The following SVIL variants were observed in gnomAD, a reference collection of about 807,000 sequenced individuals.
SVIL encodes supervillin.
In SVIL, 101 loss-of-function variants were observed where a neutral mutation model predicts 240.4. The observed-to-expected ratio is 0.42, with a 90% CI of 0.36 to 0.50. SVIL has a LOEUF of 0.50. Among genes scored for constraint, SVIL ranks in the 20% least tolerant of loss-of-function variants. The pLI is 0.01. For synonymous variants in SVIL, 999 were observed against 1,100.0 expected, an observed-to-expected ratio of 0.91 and a Z score of 1.82; for missense variants, 2,512 against 2,818.7, an observed-to-expected ratio of 0.89 and a Z score of 2.46.
Position 29,480,334 on chromosome 10 carries a change from C to T in SVIL, c.5377+203G>A, listed in dbSNP as rs145690601. 4.2e-3 allele frequency among the ~76,000 whole-genome samples: 642 copies of T among 152,248 alleles called. 5 individuals are homozygous for T. Among genetic ancestry groups the T allele is most frequent in the African/African-American group, 0.015 (608 of 41,534 alleles). The stretch of plus-strand genomic sequence containing the variant: ...TTCTACAGGTGAACACCAGCGGCCT[C>T]GGCAATGCTAGGTTGTTAGGAATTC... On this transcript the variant is annotated intron_variant, in intron 29 of 37. Transcript: ENST00000355867.
At chr10:29,686,094 A>G (rs1297653362) in intron 2 of SVIL, among the ~76,000 whole-genome samples, 2 of 152,258 alleles carry the variant, frequency 1.3e-5, no homozygotes, top group African/African-American at 2.4e-5. Context: ...ATTTTTAACT[A>G]TAAATCCAAT....
At chr10:29,498,063 CAG>C (rs1015497572) in intron 18 of SVIL, among the ~76,000 whole-genome samples, 1 of 112,068 alleles carries the variant, frequency 8.9e-6, no homozygotes, top group African/African-American at 3.4e-5. Context: ...GCCTGGGAGA[CAG>C]AGCGAGATTC....
At chr10:29,487,356 C>G in intron 23 of SVIL, 57 bp from the exon 24 acceptor site, 1 of 1,594,146 alleles carries the variant, frequency 6.3e-7, no homozygotes, top group Admixed American at 1.7e-5. Context: ...TAGGACGCAC[C>G]CCATATCGGA....
intron 2 of SVIL, among the ~76,000 whole-genome samples, chr10:29,663,599 G>A (rs901192606): frequency 2.0e-5 from 3 of 152,148 alleles, no homozygotes; most frequent in Non-Finnish European, 2.9e-5. Context: ...CAAGTGATCT[G>A]CCCTGCTTGG....
chr10:29,476,944 C>T (rs1220343201), intron 29 of SVIL, among the ~76,000 whole-genome samples: 1 of 152,116 alleles, frequency 6.6e-6, no homozygotes, highest in Non-Finnish European at 1.5e-5. Context: ...CTCAGTGCCA[C>T]CTCCGCCTCC....
At chr10:29,702,391 C>T (rs1317495142) in intron 1 of SVIL, among the ~76,000 whole-genome samples, 1 of 151,988 alleles carries the variant, frequency 6.6e-6, no homozygotes, top group Non-Finnish European at 1.5e-5. Context: ...AAGACAAAAA[C>T]CATCCACACT....
At chr10:29,730,158 A>G (rs1443386531) in intron 1 of SVIL, among the ~76,000 whole-genome samples, 1 of 152,194 alleles carries the variant, frequency 6.6e-6, no homozygotes, top group Non-Finnish European at 1.5e-5. Flanking sequence ...AGCCTGGGCA[A>G]CAGAGCAAGA....
chr10:29,619,881 T>TA (rs1425156157), intron 1 of SVIL, among the ~76,000 whole-genome samples: 2 of 152,214 alleles, frequency 1.3e-5, no homozygotes, highest in Non-Finnish European at 2.9e-5. Flanking sequence ...ACATTTTTTT[T>TA]AAATGTGGAT....
chr10:29,493,449 G>T, intron 20 of SVIL, 58 bp from the exon 21 acceptor site: 1 of 1,573,894 alleles, frequency 6.4e-7, no homozygotes, highest in South Asian at 1.1e-5. Context: ...CTCCAATTAT[G>T]CTTCACAATA....
At chr10:29,560,919 A>G (rs893746017) in intron 3 of SVIL, among the ~76,000 whole-genome samples, 1 of 150,342 alleles carries the variant, frequency 6.7e-6, no homozygotes, top group African/African-American at 2.5e-5. Context: ...GCTCACGGCA[A>G]CCTCCGCCTC....
chr10:29,552,677 C>T (rs1461117386), intron 5 of SVIL, among the ~76,000 whole-genome samples: 8 of 151,908 alleles, frequency 5.3e-5, no homozygotes, highest in East Asian at 3.8e-4. Flanking sequence ...CCTTCCCATA[C>T]GGCCTTTTTC....
chr10:29,693,544 TAGATGCCTGAGCACCCAGC>T (rs1961684560), intron 1 of SVIL, among the ~76,000 whole-genome samples: 1 of 152,050 alleles, frequency 6.6e-6, no homozygotes, highest in South Asian at 2.1e-4. Context: ...TGGGAGAGAA[TAGATGCCTGAGCACCCAGC>T]AGGACTAAGC....
intron 1 of SVIL, among the ~76,000 whole-genome samples, chr10:29,724,370 A>AACACACAC (rs9299624): frequency 0.037 from 5,373 of 146,044 alleles, 215 homozygotes; most frequent in African/African-American, 0.09. Flanking sequence ...GAGGATTTAA[A>AACACACAC]ACACACACAC....
chr10:29,509,155 AAAACAGAC>A (rs1290497469), intron 17 of SVIL, among the ~76,000 whole-genome samples: 3 of 152,202 alleles, frequency 2.0e-5, no homozygotes. Flanking sequence ...CCAAATCCAC[AAAACAGAC>A]AGCTTTACCG....
At chr10:29,667,332 T>C (rs1053422260) in intron 2 of SVIL, among the ~76,000 whole-genome samples, 2 of 151,998 alleles carry the variant, frequency 1.3e-5, no homozygotes, top group African/African-American at 2.4e-5. Context: ...CACACAACAA[T>C]GTGGATCAGC....
chr10:29,655,858 G>C (rs1958983030), intron 3 of SVIL, among the ~76,000 whole-genome samples: 1 of 149,562 alleles, frequency 6.7e-6, no homozygotes, highest in Non-Finnish European at 1.5e-5. Context: ...CTAGTCTGTT[G>C]AGTGTGTATG....
rs1963324542 is a variant in SVIL at position 29,712,010 on chromosome 10, A to G, written c.-400+23741T>C. 3 of 152,068 alleles carry G rather than the reference A, an allele frequency of 2.0e-5. No homozygotes were observed. In the South Asian group the frequency reaches 6.2e-4, roughly 31 times the overall value. The allele number at this position is 152,068 out of a possible 1,614,324, so 9.4% of individuals were successfully genotyped here. The stretch of plus-strand genomic sequence containing the variant: ...ATTCATGACGTGTTCAATATTTTTT[A>G]TATATTTTAATAAAAATATAAAAAT... On this transcript the variant is annotated intron_variant, in intron 1 of 35. Coordinates refer to the SVIL transcript ENST00000375400.
At chr10:29,611,669 G>C (rs1957248342) in intron 1 of SVIL, among the ~76,000 whole-genome samples, 1 of 152,186 alleles carries the variant, frequency 6.6e-6, no homozygotes, top group South Asian at 2.1e-4. Context: ...GTCAGATGTG[G>C]TTAAAAGGTA....
At chr10:29,690,181 T>C (rs1267523264) in intron 1 of SVIL, among the ~76,000 whole-genome samples, 1 of 152,170 alleles carries the variant, frequency 6.6e-6, no homozygotes, top group African/African-American at 2.4e-5. Context: ...ATACAAAAAA[T>C]TTACTCCTTT....
Sources: gnomAD v4.1 joint callset for allele counts (sites outside exome capture counted in the v4.1 genomes callset) on GRCh38, gnomAD v4.1.1 for gene constraint, MANE v1.5 for transcripts, NCBI Gene and HGNC (gene_info 2026-07-23, HGNC 2026-07-21) for gene names.